Variants in ITGA8 observed in about 807,000 individuals in gnomAD.
The protein encoded by ITGA8 is integrin alpha-8.
A neutral mutation model predicts 142.3 loss-of-function variants in ITGA8; 91 were observed. The observed-to-expected ratio is 0.64, with a 90% CI of 0.54 to 0.76. The LOEUF is 0.76. Among genes scored for constraint, ITGA8 ranks in the 30% least tolerant of loss-of-function variants. The pLI, the probability that ITGA8 is intolerant of heterozygous loss-of-function variation, is 0.00. For missense variants in ITGA8, 1,406 were observed against 1,327.7 expected (o/e 1.06, Z -0.92); for synonymous variants, 505 against 485.2 (o/e 1.04, Z -0.54).
chr10:15,524,505 C>T (rs1286238862), intron 28 of ITGA8, among the ~76,000 whole-genome samples: 1 of 152,144 alleles, frequency 6.6e-6, no homozygotes, highest in African/African-American at 2.4e-5. Flanking sequence ...AGAAGAGTCA[C>T]GTATATGTCT....
chr10:15,551,890 T>A (rs1450207999), intron 26 of ITGA8, among the ~76,000 whole-genome samples: 4 of 152,162 alleles, frequency 2.6e-5, no homozygotes, highest in Non-Finnish European at 4.4e-5. Flanking sequence ...ATATATGTGT[T>A]AACAAAACCA....
intron 15 of ITGA8, among the ~76,000 whole-genome samples, chr10:15,613,001 A>C (rs1170981001): frequency 6.6e-6 from 1 of 152,108 alleles, no homozygotes; most frequent in Non-Finnish European, 1.5e-5. Context: ...TCTCTACTAA[A>C]AATACAAAAA....
At chr10:15,652,795 CAG>C (rs1209704086) in intron 11 of ITGA8, among the ~76,000 whole-genome samples, 8 of 152,308 alleles carry the variant, frequency 5.3e-5, no homozygotes, top group Admixed American at 3.3e-4. Flanking sequence ...ATTGCTCATA[CAG>C]AGTCATTCCA....
intron 22 of ITGA8, among the ~76,000 whole-genome samples, chr10:15,588,099 C>G (rs767132715): frequency 2.0e-5 from 3 of 152,020 alleles, no homozygotes; most frequent in Non-Finnish European, 4.4e-5. Flanking sequence ...CACTCTGATT[C>G]GATGGACAAG....
intron 13 of ITGA8, among the ~76,000 whole-genome samples, chr10:15,626,577 T>C (rs536035727): frequency 6.6e-6 from 1 of 152,276 alleles, no homozygotes; most frequent in South Asian, 2.1e-4. Context: ...CTTGTGTATA[T>C]CTGCACCCTC....
At chr10:15,573,943 C>A (rs916318454) in intron 24 of ITGA8, among the ~76,000 whole-genome samples, 2 of 151,266 alleles carry the variant, frequency 1.3e-5, no homozygotes, top group African/African-American at 4.9e-5. Context: ...CTAAACTAAC[C>A]CTTTGCTATA....
At chr10:15,621,527 C>G (rs923483275) in intron 13 of ITGA8, among the ~76,000 whole-genome samples, 5 of 152,136 alleles carry the variant, frequency 3.3e-5, no homozygotes, top group Non-Finnish European at 7.3e-5. Flanking sequence ...TCTGATTTCA[C>G]TAATTTGGGA....
chr10:15,633,481 G>T lies in ITGA8; in HGVS notation c.1399+10549C>A, dbSNP rs146689257. Reference sequence around the variant, plus strand: ...AATTCTTGCTCTGTCACCCAGGCTGGAGCGCAGCAGCACACAATCTCAGCT... The same window carrying T: ...AATTCTTGCTCTGTCACCCAGGCTGTAGCGCAGCAGCACACAATCTCAGCT... On this transcript the variant is annotated intron_variant, in intron 13 of 29. Transcript: ENST00000378076. 3.1e-4 allele frequency among the ~76,000 whole-genome samples: 47 copies of T among 152,074 alleles called. No homozygotes were observed. The East Asian group carries it at 8.2e-3, about 26-fold the overall frequency.
chr10:15,706,121 T>C (rs920245438), intron 2 of ITGA8, among the ~76,000 whole-genome samples: 1 of 152,226 alleles, frequency 6.6e-6, no homozygotes, highest in African/African-American at 2.4e-5. Flanking sequence ...ATAAGCATCT[T>C]AAATTTCACA....
At chr10:15,566,372 G>T (rs745955371) in intron 25 of ITGA8, among the ~76,000 whole-genome samples, 2 of 152,050 alleles carry the variant, frequency 1.3e-5, no homozygotes, top group Non-Finnish European at 2.9e-5. Flanking sequence ...TCCTGAACTT[G>T]GGCCCCAAAT....
At chr10:15,641,368 A>T (rs1283641060) in intron 13 of ITGA8, among the ~76,000 whole-genome samples, 1 of 152,212 alleles carries the variant, frequency 6.6e-6, no homozygotes, top group Non-Finnish European at 1.5e-5. Flanking sequence ...AGAAAGTTAC[A>T]TGTCTGATTC....
intron 2 of ITGA8, among the ~76,000 whole-genome samples, chr10:15,688,263 T>C (rs1834868725): frequency 7.5e-6 from 1 of 134,198 alleles, no homozygotes; most frequent in Admixed American, 8.7e-5. Flanking sequence ...AATATCAGCC[T>C]GGGCAACATG....
chr10:15,659,048 A>G lies in ITGA8; in HGVS notation c.899T>C (p.Ile300Thr). The part of the protein sequence containing the change: ...RGAQNFGYVS[I>T]INSTDMTFIQ... Reference sequence around the variant, plus strand: ...AAACGTCATATCCGTAGAGTTAATGATGGAAACCTGAAATCACAGAAATTA... The same window carrying G: ...AAACGTCATATCCGTAGAGTTAATGGTGGAAACCTGAAATCACAGAAATTA... The change falls in exon 10 of 30, where the codon ATC becomes ACC. Residue 300 changes from isoleucine (I) to threonine (T), a missense_variant. Ile to Thr is a moderately conservative substitution (Grantham distance 89). Coordinates refer to ENST00000378076, the MANE Select transcript of ITGA8 (RefSeq NM_003638.3). The G allele has an allele frequency of 6.2e-7, 1 of 1,606,206 alleles. No individual in the cohort carries two copies. The highest frequency in any genetic ancestry group is 8.5e-7 in the Non-Finnish European group (1 of 1,175,202).
rs532407131 is a variant in ITGA8 at position 15,686,846 on chromosome 10, G to A, written c.444+1092C>T. On this transcript the variant is annotated intron_variant, in intron 3 of 29. Coordinates refer to ENST00000378076, the MANE Select transcript of ITGA8 (RefSeq NM_003638.3). ...GTATTATTGTAGTTTCCATTGTTTT[G>A]AGGGTTTCTACAGTTATTGAATAAA... 3.3e-5 allele frequency among the ~76,000 whole-genome samples: 5 copies of A among 152,118 alleles called. No individual in the cohort carries two copies. The East Asian group carries it at 9.6e-4, about 29-fold the overall frequency.
chr10:15,695,689 A>G (rs1450938653), intron 2 of ITGA8, among the ~76,000 whole-genome samples: 1 of 152,196 alleles, frequency 6.6e-6, no homozygotes, highest in East Asian at 1.9e-4. Context: ...AAAGTATGGA[A>G]AATACATTTC....
intron 16 of ITGA8, 23 bp from the exon 17 acceptor site, chr10:15,607,854 A>G: frequency 6.2e-7 from 1 of 1,604,700 alleles, no homozygotes; most frequent in Non-Finnish European, 8.5e-7. Context: ...AGTAAAGTAG[A>G]GAAAAAGTAT....
intron 2 of ITGA8, among the ~76,000 whole-genome samples, chr10:15,712,637 A>G (rs184543872): frequency 1.0e-3 from 152 of 152,212 alleles, no homozygotes; most frequent in Non-Finnish European, 1.8e-3. Flanking sequence ...AAAAAAGTCC[A>G]TGTTCATGTA....
At position 15,683,928 on chromosome 10, in the gene ITGA8, G is replaced by C. The variant is rs377329457; in HGVS notation, c.568+76C>G. On this transcript the variant is annotated intron_variant, in intron 4 of 29. Coordinates refer to ENST00000378076, the MANE Select transcript of ITGA8 (RefSeq NM_003638.3). ...CCCTGTAAGTTATCAATGGTGTTTT[G>C]AGCCTACCTGCACTCCTGTCTACGA... 3 of 1,547,010 alleles carry C rather than the reference G, an allele frequency of 1.9e-6. No homozygotes were observed. In the African/African-American group the frequency reaches 4.1e-5, roughly 21 times the overall value.
intron 27 of ITGA8, among the ~76,000 whole-genome samples, chr10:15,539,911 C>T (rs1418653929): frequency 6.6e-6 from 1 of 152,064 alleles, no homozygotes; most frequent in Non-Finnish European, 1.5e-5. Context: ...GGTGATTTCT[C>T]CCCTACTGTT....
Sources: allele counts gnomAD v4.1 joint callset (sites outside exome capture counted in the v4.1 genomes callset), GRCh38; gene constraint gnomAD v4.1.1; transcripts MANE v1.5; gene names NCBI Gene and HGNC (gene_info 2026-07-23, HGNC 2026-07-21).